Variants in ZNF697 observed in about 807,000 individuals in gnomAD.
ZNF697 encodes the protein zinc finger protein 697.
In ZNF697, 23 loss-of-function variants were observed where a neutral mutation model predicts 32.4. The ratio of observed to expected loss-of-function variants is 0.71; its 90% CI spans 0.51 to 1.01. ZNF697 has a LOEUF of 1.01. Among genes scored for constraint, ZNF697 ranks in the 50% least tolerant of loss-of-function variants. ZNF697 has a pLI of 0.00. For missense variants in ZNF697, 930 were observed against 794.0 expected, an observed-to-expected ratio of 1.17 and a Z score of -2.06; for synonymous variants, 418 against 337.2, an observed-to-expected ratio of 1.24 and a Z score of -2.62.
chr1:119,626,283 A>G, intron 1 of ZNF697, 146 bp from the exon 2 acceptor site: 1 of 1,146,800 alleles, frequency 8.7e-7, no homozygotes, highest in Non-Finnish European at 1.2e-6. Flanking sequence ...TTTTAAAGTA[A>G]ACAAGTGAGT....
chr1:119,640,173 A>C (rs954453390), intron 1 of ZNF697, among the ~76,000 whole-genome samples: 1 of 152,216 alleles, frequency 6.6e-6, no homozygotes. Context: ...CCCAACTGTA[A>C]GTTCCTTATG....
At chr1:119,629,298 C>A (rs1408900741) in intron 1 of ZNF697, among the ~76,000 whole-genome samples, 1 of 152,210 alleles carries the variant, frequency 6.6e-6, no homozygotes, top group Non-Finnish European at 1.5e-5. Flanking sequence ...GTTGTGATAA[C>A]CTCAATCTAG....
At chr1:119,631,801 C>T (rs747526166) in intron 1 of ZNF697, among the ~76,000 whole-genome samples, 4 of 152,124 alleles carry the variant, frequency 2.6e-5, no homozygotes, top group Non-Finnish European at 4.4e-5. Context: ...TCCCACTCAT[C>T]TCGAGGGTCC....
At chr1:119,641,396 AT>A (rs754983316) in intron 1 of ZNF697, among the ~76,000 whole-genome samples, 9 of 152,228 alleles carry the variant, frequency 5.9e-5, no homozygotes, top group Non-Finnish European at 8.8e-5. Flanking sequence ...ACTAAAAAAA[AT>A]AACAAGAAAA....
chr1:119,641,433 T>C (rs587648766), intron 1 of ZNF697, among the ~76,000 whole-genome samples: 1 of 152,036 alleles, frequency 6.6e-6, no homozygotes, highest in Admixed American at 6.5e-5. Context: ...GAGAAAATGT[T>C]TGCAAAAAAA....
In ZNF697 at chr1:119,630,048, C is replaced by T. The variant is rs1269524067; in HGVS notation, c.-37-3911G>A. Among the ~76,000 whole-genome samples, 4 of 152,160 alleles carry T rather than the reference C, an allele frequency of 2.6e-5. No homozygotes were observed. In the East Asian group the frequency reaches 7.7e-4, roughly 29 times the overall value. On this transcript the variant is annotated intron_variant, in intron 1 of 2. Coordinates refer to ENST00000421812, the MANE Select transcript of ZNF697 (RefSeq NM_001080470.2). ...CATCTGTAAGGGAGCTCTCCTTCCCCCAATAAGAAGGAATAGAAGTTTAAG... is the reference window on the plus strand; with the variant it reads ...CATCTGTAAGGGAGCTCTCCTTCCCTCAATAAGAAGGAATAGAAGTTTAAG...
intron 1 of ZNF697, among the ~76,000 whole-genome samples, chr1:119,639,667 T>C (rs1436526817): frequency 6.8e-6 from 1 of 147,868 alleles, no homozygotes; most frequent in African/African-American, 2.5e-5. Flanking sequence ...TCGCTTAAGC[T>C]CGGGAGTGCA....
chr1:119,630,921 CTG>C (rs1269883373), intron 1 of ZNF697, among the ~76,000 whole-genome samples: 1 of 152,132 alleles, frequency 6.6e-6, no homozygotes, highest in Non-Finnish European at 1.5e-5. Flanking sequence ...GGGAGGGTAA[CTG>C]AAGCCAGTAG....
At chr1:119,631,154 C>T (rs981967384) in intron 1 of ZNF697, among the ~76,000 whole-genome samples, 29 of 152,238 alleles carry the variant, frequency 1.9e-4, no homozygotes, top group African/African-American at 7.0e-4. Flanking sequence ...ACCAAGTCTC[C>T]CAGCCTCTAA....
chr1:119,626,406 T>C (rs887639309), intron 1 of ZNF697, among the ~76,000 whole-genome samples: 3 of 152,186 alleles, frequency 2.0e-5, no homozygotes, highest in African/African-American at 7.2e-5. Context: ...TGGATGTCTA[T>C]TAGTGTGGTT....
chr1:119,623,861 CGGT>C lies in ZNF697; in HGVS notation c.479_481del (p.His160del), dbSNP rs1419374312. On this transcript the variant is annotated inframe_deletion, in exon 3 of 3. Coordinates refer to ENST00000421812, the MANE Select transcript of ZNF697 (RefSeq NM_001080470.2). ...GGGGTGGTGGAGCCGGTGGAAGCGGCGGTGGGCGGGCTTGTCACCTCGGTGCCG... is the reference window on the plus strand; with the variant it reads ...GGGGTGGTGGAGCCGGTGGAAGCGGCGGGCGGGCTTGTCACCTCGGTGCCG... 1 of 1,541,240 alleles carries C rather than the reference CGGT, an allele frequency of 6.5e-7. No homozygotes were observed. The highest frequency in any genetic ancestry group is 8.8e-7 in the Non-Finnish European group (1 of 1,140,910).
In ZNF697 at chr1:119,622,946, C is replaced by G; in HGVS notation, c.1397G>C (p.Arg466Pro). 1 of 1,604,636 alleles carries G rather than the reference C, an allele frequency of 6.2e-7. No individual in the cohort carries two copies. The highest frequency in any genetic ancestry group is 8.5e-7 in the Non-Finnish European group (1 of 1,175,240). The part of the protein sequence containing the change: ...LRVHTGEKPF[R>P]CGQCEKRFSD... ...GAAGCGCTTCTCGCACTGGCCACAG[C>G]GGAAGGGCTTCTCGCCGGTGTGCAC... Residue 466 changes from arginine to proline, a missense_variant, in exon 3 of 3, where the codon CGC becomes CCC. Arg to Pro is a moderately radical substitution (Grantham distance 103). Transcript: ENST00000421812.
Position 119,646,368 on chromosome 1 carries a change from C to T in ZNF697, c.-38+1323G>A, listed in dbSNP as rs200364856. ...ACACACACACACACACACACACGGCCAATATGTTCTAACTAGAAATCATCT... is the reference window on the plus strand; with the variant it reads ...ACACACACACACACACACACACGGCTAATATGTTCTAACTAGAAATCATCT... On this transcript the variant is annotated intron_variant, in intron 1 of 2. Transcript: ENST00000421812. Among the ~76,000 whole-genome samples the T allele has an allele frequency of 4.0e-5, 6 of 150,522 alleles. No homozygotes were observed. The East Asian group carries it at 9.7e-4, about 24-fold the overall frequency.
chr1:119,631,888 C>G (rs587632110), intron 1 of ZNF697, among the ~76,000 whole-genome samples: 3 of 152,354 alleles, frequency 2.0e-5, no homozygotes, highest in East Asian at 1.9e-4. Context: ...CCCACGCCCC[C>G]CTGCCCACCA....
At chr1:119,626,205 A>G in intron 1 of ZNF697, 68 bp from the exon 2 acceptor site, 2 of 1,523,798 alleles carry the variant, frequency 1.3e-6, no homozygotes, top group Non-Finnish European at 1.7e-6. Flanking sequence ...GCCCAGCCTT[A>G]ATTTCCAATT....
intron 1 of ZNF697, among the ~76,000 whole-genome samples, chr1:119,635,577 C>A (rs1648897211): frequency 6.6e-6 from 1 of 152,134 alleles, no homozygotes; most frequent in Non-Finnish European, 1.5e-5. Flanking sequence ...CTAGTTGTGA[C>A]AATTCTATTA....
At chr1:119,642,130 T>G (rs1431315066) in intron 1 of ZNF697, among the ~76,000 whole-genome samples, 1 of 152,208 alleles carries the variant, frequency 6.6e-6, no homozygotes, top group Admixed American at 6.5e-5. Context: ...AAAGGTCACA[T>G]ACTGTATGAT....
chr1:119,644,045 C>T (rs376370994), intron 1 of ZNF697, among the ~76,000 whole-genome samples: 1 of 152,220 alleles, frequency 6.6e-6, no homozygotes, highest in African/African-American at 2.4e-5. Context: ...CTACCATATG[C>T]CAGGTTGTGT....
chr1:119,645,844 G>T (rs374222768), intron 1 of ZNF697, among the ~76,000 whole-genome samples: 17 of 152,170 alleles, frequency 1.1e-4, no homozygotes, highest in Non-Finnish European at 2.2e-4. Flanking sequence ...ATAGGTTCAA[G>T]CTCCAGACCT....
Sources: gnomAD v4.1 joint callset for allele counts (sites outside exome capture counted in the v4.1 genomes callset) on GRCh38, gnomAD v4.1.1 for gene constraint, MANE v1.5 for transcripts, NCBI Gene and HGNC (gene_info 2026-07-23, HGNC 2026-07-21) for gene names.